Variants in STAT4 observed in about 807,000 individuals in gnomAD.
The protein encoded by STAT4 is signal transducer and activator of transcription 4.
Under a neutral mutation model 110.5 loss-of-function variants are expected in STAT4, and 42 were observed. The ratio of observed to expected loss-of-function variants is 0.38; its 90% confidence interval spans 0.30 to 0.49. The LOEUF is 0.49. Ranked by LOEUF, STAT4 falls within the 20% of genes least tolerant of loss-of-function variation. The pLI, the probability that STAT4 is intolerant of heterozygous loss-of-function variation, is 0.95. For missense variants in STAT4, 632 were observed against 887.9 expected, an observed-to-expected ratio of 0.71 and a Z score of 3.66; for synonymous variants, 284 against 302.2, an observed-to-expected ratio of 0.94 and a Z score of 0.63.
At chr2:191,125,345 T>C (rs1698848355) in intron 3 of STAT4, among the ~76,000 whole-genome samples, 1 of 152,032 alleles carries the variant, frequency 6.6e-6, no homozygotes, top group Admixed American at 6.6e-5. Context: ...ACTTTACACC[T>C]CATTGTGCAC....
At chr2:191,075,822 C>CTCCT (rs907088105) in intron 4 of STAT4, among the ~76,000 whole-genome samples, 2 of 148,428 alleles carry the variant, frequency 1.3e-5, no homozygotes, top group African/African-American at 5.0e-5. Context: ...TTAAAAATGT[C>CTCCT]TCCTTTCTTT....
intron 17 of STAT4, among the ~76,000 whole-genome samples, chr2:191,034,923 C>T (rs891418015): frequency 6.6e-6 from 1 of 152,030 alleles, no homozygotes; most frequent in Non-Finnish European, 1.5e-5. Context: ...TAATATAGGA[C>T]GAAGCATGAT....
rs1392703754 is a variant in STAT4 at position 191,062,111 on chromosome 2, G to C, written c.942-290C>G. Among the ~76,000 whole-genome samples, 1 of 152,172 alleles carries C rather than the reference G, an allele frequency of 6.6e-6. No homozygotes were observed. Among genetic ancestry groups the C allele is most frequent in the African/African-American group, 2.4e-5 (1 of 41,432 alleles). On this transcript the variant is annotated intron_variant, in intron 9 of 23. Transcript: ENST00000392320. The surrounding 1 kb of genome is among the most constrained non-coding windows in gnomAD (Gnocchi z 4.9). ...CCTCTGTTGCCCAGGCTGAAGTGCA[G>C]TGGCACGATCATAGCTCACTGCAGT...
rs1356206137 is a variant in STAT4, at chr2:191,143,445, C to T, written c.273+3168G>A. ...CTTGCTCCTGGGTGTGAGTCTGCCT[C>T]CCCTTAAATAGGCCAAGGGCTGCTG... On this transcript the variant is annotated intron_variant, in intron 3 of 23. Coordinates refer to ENST00000392320, the MANE Select transcript of STAT4 (RefSeq NM_003151.4). This position sits in a 1 kb window ranked among gnomAD's most constrained non-coding sequence, Gnocchi z 5.6. Among the ~76,000 whole-genome samples, 2 of 152,122 alleles carry T rather than the reference C, an allele frequency of 1.3e-5. No individual in the cohort carries two copies. Among genetic ancestry groups the T allele is most frequent in the Non-Finnish European group, 2.9e-5 (2 of 68,026 alleles).
intron 5 of STAT4, among the ~76,000 whole-genome samples, chr2:191,072,164 A>G (rs905062234): frequency 1.3e-5 from 2 of 152,178 alleles, no homozygotes; most frequent in African/African-American, 4.8e-5. Context: ...CCTACTCCTT[A>G]GGATTTTAAA....
intron 8 of STAT4, among the ~76,000 whole-genome samples, chr2:191,064,571 T>C (rs907903707): frequency 2.0e-5 from 3 of 152,258 alleles, no homozygotes; most frequent in African/African-American, 7.2e-5. Flanking sequence ...ACGATTGATA[T>C]CTTGCATGTG....
intron 8 of STAT4, 22 bp downstream of exon 8, chr2:191,064,785 A>C: frequency 6.2e-7 from 1 of 1,603,786 alleles, no homozygotes; most frequent in Non-Finnish European, 8.5e-7. Flanking sequence ...TTTCACTAGA[A>C]ACTGCAGTCG....
At position 191,144,145 on chromosome 2, in the gene STAT4, G is replaced by T. The variant is rs1439180072; in HGVS notation, c.273+2468C>A. Among the ~76,000 whole-genome samples the T allele has an allele frequency of 1.3e-5, 2 of 151,766 alleles. No individual in the cohort carries two copies. Among genetic ancestry groups the T allele is most frequent in the African/African-American group, 2.4e-5 (1 of 41,308 alleles). On this transcript the variant is annotated intron_variant, in intron 3 of 23. Transcript: ENST00000392320. The surrounding 1 kb of genome is among the most constrained non-coding windows in gnomAD (Gnocchi z 4.7). ...TTGAGTACTGAGGGTGAGGGAGGGG[G>T]GTCAGAAAAGGAGATCAGCCTTTTA... is the stretch of plus-strand genomic sequence containing the variant.
chr2:191,045,706 T>C (rs1462224506), intron 14 of STAT4, among the ~76,000 whole-genome samples: 1 of 152,204 alleles, frequency 6.6e-6, no homozygotes, highest in Non-Finnish European at 1.5e-5. Context: ...TCCTTGATAA[T>C]GAGAATGCTA....
At chr2:191,080,336 T>C (rs1348129464) in intron 3 of STAT4, among the ~76,000 whole-genome samples, 2 of 152,172 alleles carry the variant, frequency 1.3e-5, no homozygotes, top group African/African-American at 4.8e-5. Context: ...TTGGCTAATG[T>C]CTTCCTAAAA....
At position 191,030,812 on chromosome 2, in the gene STAT4, G is replaced by T; in HGVS notation, c.2220+160C>A. On this transcript the variant is annotated intron_variant, in intron 23 of 23. Coordinates refer to ENST00000392320, the MANE Select transcript of STAT4 (RefSeq NM_003151.4). This position sits in a 1 kb window ranked among gnomAD's most constrained non-coding sequence, Gnocchi z 4.4. ...TCAATACGCATAATATCAGCAACAC[G>T]CAGGACCATCCAGACACCTTTTGTG... 1 of 621,076 alleles carries T rather than the reference G, an allele frequency of 1.6e-6. No individual in the cohort carries two copies. The highest frequency in any genetic ancestry group is 2.8e-6 in the Non-Finnish European group (1 of 351,588). The allele number at this position is 621,076 out of a possible 1,614,324, so 38.5% of individuals were successfully genotyped here.
upstream of STAT4, chr2:191,151,500 C>A (rs116071025): frequency 1.1e-3 from 1,101 of 985,540 alleles, 7 homozygotes; most frequent in African/African-American, 0.018. The surrounding 1 kb of genome is among the most constrained non-coding windows in gnomAD (Gnocchi z 4.7). Flanking sequence ...ACGAGGGTGA[C>A]CTGACCCAGA....
chr2:191,097,591 C>T (rs1188703979), intron 3 of STAT4, among the ~76,000 whole-genome samples: 4 of 152,172 alleles, frequency 2.6e-5, no homozygotes, highest in Admixed American at 1.3e-4. Flanking sequence ...AGCTGGATCC[C>T]TTCCTTACAC....
chr2:191,128,968 C>T (rs1449778638), intron 3 of STAT4, among the ~76,000 whole-genome samples: 7 of 152,146 alleles, frequency 4.6e-5, no homozygotes, highest in Admixed American at 6.5e-5. Context: ...GAACTTTTTA[C>T]AGTACCTCCT....
rs1471226688 is a variant in STAT4 at position 191,086,182 on chromosome 2, G to A, written c.274-9857C>T. On this transcript the variant is annotated intron_variant, in intron 3 of 23. Transcript: ENST00000392320. This position sits in a 1 kb window ranked among gnomAD's most constrained non-coding sequence, Gnocchi z 5.5. ...TATGAACAGATGGCTTTGAGGAATT[G>A]GGATTGATGTACAGAGCCCATAAAA... Among the ~76,000 whole-genome samples, 1 of 152,114 alleles carries A rather than the reference G, an allele frequency of 6.6e-6. No homozygotes were observed. The highest frequency in any genetic ancestry group is 1.5e-5 in the Non-Finnish European group (1 of 68,016).
chr2:191,093,932 T>C (rs1483571962), intron 3 of STAT4, among the ~76,000 whole-genome samples: 2 of 152,098 alleles, frequency 1.3e-5, no homozygotes, highest in East Asian at 3.9e-4. Flanking sequence ...ATGGGAACCA[T>C]GTGAGGCATG....
rs1178046693 is a variant in STAT4, at chr2:191,077,886, AAAAGGT to A, written c.274-1567_274-1562del. Among the ~76,000 whole-genome samples the A allele has an allele frequency of 6.6e-6, 1 of 152,168 alleles. No individual in the cohort carries two copies. Among genetic ancestry groups the A allele is most frequent in the African/African-American group, 2.4e-5 (1 of 41,458 alleles). On this transcript the variant is annotated intron_variant, in intron 3 of 23. Transcript: ENST00000392320. This position sits in a 1 kb window ranked among gnomAD's most constrained non-coding sequence, Gnocchi z 4.1. ...AACAAAAATAAATTGACTGAAACTC[AAAAGGT>A]AAAGAAATAAAAATGATCCTATTTA...
At position 191,110,285 on chromosome 2, in the gene STAT4, T is replaced by A. The variant is rs1031667195; in HGVS notation, c.274-33960A>T. Among the ~76,000 whole-genome samples the A allele has an allele frequency of 6.6e-6, 1 of 152,180 alleles. No homozygotes were observed. The highest frequency in any genetic ancestry group is 2.4e-5 in the African/African-American group (1 of 41,444). ...GGTTTCAGCTATGTGTCTGGCTCTG[T>A]GATCGGTGTTGGGAGGCATATGAAA... On this transcript the variant is annotated intron_variant, in intron 3 of 23. Coordinates refer to ENST00000392320, the MANE Select transcript of STAT4 (RefSeq NM_003151.4). The surrounding 1 kb of genome is among the most constrained non-coding windows in gnomAD (Gnocchi z 4.5).
chr2:191,121,653 CA>C (rs754687242), intron 3 of STAT4, among the ~76,000 whole-genome samples: 119 of 151,196 alleles, frequency 7.9e-4, no homozygotes, highest in Non-Finnish European at 1.4e-3. Flanking sequence ...CCATCATTCT[CA>C]GCAAATTATC....
Sources: gnomAD v4.1 joint callset for allele counts (sites outside exome capture counted in the v4.1 genomes callset) on GRCh38, gnomAD v4.1.1 for gene constraint, Gnocchi (gnomAD v3.1) non-coding constraint, MANE v1.5 for transcripts, NCBI Gene and HGNC (gene_info 2026-07-23, HGNC 2026-07-21) for gene names.